The following VMP1 variants were observed in gnomAD, a reference collection of about 807,000 sequenced individuals.
VMP1 encodes vacuole membrane protein 1, also known as ectopic P-granules autophagy protein 3 homolog.
VMP1 carries 11 observed loss-of-function variants against 56.0 expected under a neutral mutation model. That is an observed-to-expected ratio of 0.20 (90% CI 0.12 to 0.32). The LOEUF is 0.32. Ranked by LOEUF, VMP1 falls within the 10% of genes least tolerant of loss-of-function variation. The probability of loss-of-function intolerance (pLI) is 1.00; values close to 1 mark genes in which losing one functional copy is unlikely to be tolerated. For missense variants in VMP1, 296 were observed against 490.3 expected (o/e 0.60, Z 3.74); for synonymous variants, 149 against 165.0 (o/e 0.90, Z 0.74).
intron 10 of VMP1, among the ~76,000 whole-genome samples, chr17:59,822,225 G>A (rs1388350830): frequency 2.0e-5 from 3 of 151,790 alleles, no homozygotes; most frequent in East Asian, 3.9e-4. Context: ...GATCCCAAAG[G>A]GTATCCTTTT....
chr17:59,722,743 C>G (rs1358575963), intron 1 of VMP1, among the ~76,000 whole-genome samples: 2 of 152,120 alleles, frequency 1.3e-5, no homozygotes, highest in Admixed American at 1.3e-4. Flanking sequence ...AGTGGGGAGG[C>G]TGAGGCAGGA....
At chr17:59,792,573 T>A (rs2037270980) in intron 7 of VMP1, among the ~76,000 whole-genome samples, 1 of 152,020 alleles carries the variant, frequency 6.6e-6, no homozygotes, top group African/African-American at 2.4e-5. Context: ...TCTAAATAAT[T>A]ATCAGATGAG....
intron 9 of VMP1, 54 bp from the exon 10 acceptor site, chr17:59,817,658 A>C (rs1240676444): frequency 1.1e-5 from 15 of 1,354,476 alleles, no homozygotes; most frequent in Non-Finnish European, 1.4e-5. Context: ...TTGTGAATTT[A>C]TGTTGGTTTT....
At chr17:59,727,711 A>C (rs1043476223) in intron 1 of VMP1, among the ~76,000 whole-genome samples, 1 of 152,186 alleles carries the variant, frequency 6.6e-6, no homozygotes, top group Non-Finnish European at 1.5e-5. Flanking sequence ...GTTGTTTTTT[A>C]TAGTTTAGGC....
intron 7 of VMP1, among the ~76,000 whole-genome samples, chr17:59,792,578 G>C (rs996618937): frequency 6.6e-6 from 1 of 151,726 alleles, no homozygotes; most frequent in African/African-American, 2.4e-5. Context: ...ATAATTATCA[G>C]ATGAGGCTGG....
At chr17:59,805,824 T>C in intron 7 of VMP1, among the ~76,000 whole-genome samples, 1 of 152,224 alleles carries the variant, frequency 6.6e-6, no homozygotes, top group Middle Eastern at 3.4e-3. Flanking sequence ...TATTCCCACA[T>C]ATATCTGACT....
At chr17:59,737,707 T>A (rs1408567127) in intron 4 of VMP1, among the ~76,000 whole-genome samples, 164 bp downstream of exon 4, 3 of 152,168 alleles carry the variant, frequency 2.0e-5, no homozygotes, top group Admixed American at 6.6e-5. Context: ...CTAAAAATAT[T>A]CTTGTGATGT....
At chr17:59,775,065 C>T (rs1406545890) in intron 7 of VMP1, among the ~76,000 whole-genome samples, 1 of 152,074 alleles carries the variant, frequency 6.6e-6, no homozygotes, top group East Asian at 1.9e-4. Flanking sequence ...CCTCAGCCTC[C>T]CGAGTAGCTG....
chr17:59,829,444 G>T (rs1015131625), intron 10 of VMP1, among the ~76,000 whole-genome samples: 1 of 152,102 alleles, frequency 6.6e-6, no homozygotes, highest in Non-Finnish European at 1.5e-5. Flanking sequence ...TTGAATAAGG[G>T]CAAGAGTCTG....
At chr17:59,728,435 A>G (rs758563397) in intron 1 of VMP1, among the ~76,000 whole-genome samples, 7 of 151,074 alleles carry the variant, frequency 4.6e-5, no homozygotes, top group Non-Finnish European at 1.0e-4. Context: ...ATAACCCCCT[A>G]ACTCATATAT....
intron 7 of VMP1, among the ~76,000 whole-genome samples, chr17:59,788,443 C>T (rs1188428278): frequency 3.3e-5 from 5 of 151,406 alleles, no homozygotes; most frequent in Non-Finnish European, 5.9e-5. Flanking sequence ...GCCGAGATCC[C>T]ACCACTGCAC....
intron 11 of VMP1, 64 bp downstream of exon 11, chr17:59,838,461 C>A (rs539671632): frequency 1.3e-6 from 2 of 1,516,446 alleles, no homozygotes; most frequent in East Asian, 2.3e-5. Flanking sequence ...ACATTCACAG[C>A]TCTCACTCAC....
chr17:59,736,232 G>T (rs1037711790), intron 3 of VMP1, among the ~76,000 whole-genome samples: 4 of 149,844 alleles, frequency 2.7e-5, no homozygotes, highest in African/African-American at 4.9e-5. Flanking sequence ...GTGAAACCCC[G>T]TCTCTACTAA....
chr17:59,838,636 C>A (rs2039061183), intron 11 of VMP1: 2 of 486,960 alleles, frequency 4.1e-6, no homozygotes, highest in Non-Finnish European at 7.5e-6. Flanking sequence ...AGTAATGGTT[C>A]TGTTACATAG....
At chr17:59,821,903 C>T (rs2038468598) in intron 10 of VMP1, among the ~76,000 whole-genome samples, 1 of 149,236 alleles carries the variant, frequency 6.7e-6, no homozygotes, top group African/African-American at 2.5e-5. Context: ...GGTACAGTGG[C>T]ACAATCTTGG....
chr17:59,809,928 A>G (rs1343895492), intron 8 of VMP1, among the ~76,000 whole-genome samples: 1 of 152,136 alleles, frequency 6.6e-6, no homozygotes, highest in Non-Finnish European at 1.5e-5. Flanking sequence ...AGTAAGAATA[A>G]AAGAGACAAA....
chr17:59,801,488 G>A (rs1177004012), intron 7 of VMP1, among the ~76,000 whole-genome samples: 2 of 151,748 alleles, frequency 1.3e-5, no homozygotes, highest in East Asian at 1.9e-4. Flanking sequence ...TCCTAGGCTC[G>A]AGTGATCCTC....
intron 7 of VMP1, among the ~76,000 whole-genome samples, chr17:59,783,856 T>C (rs1236604333): frequency 6.6e-6 from 1 of 152,106 alleles, no homozygotes; most frequent in Non-Finnish European, 1.5e-5. Context: ...CCCAATCTTT[T>C]CCCACACAAA....
intron 7 of VMP1, among the ~76,000 whole-genome samples, chr17:59,807,832 C>CA (rs543862899): frequency 0.26 from 21,776 of 85,168 alleles, 2,570 homozygotes; most frequent in East Asian, 0.47. Context: ...AACTCCGTCT[C>CA]AAAAAAAAAA....
Sources: allele counts gnomAD v4.1 joint callset (sites outside exome capture counted in the v4.1 genomes callset), GRCh38; gene constraint gnomAD v4.1.1; transcripts MANE v1.5; gene names NCBI Gene and HGNC (gene_info 2026-07-23, HGNC 2026-07-21).